CALHM2: variants seen among roughly 807,000 people sequenced by gnomAD.
The protein encoded by CALHM2 is calcium homeostasis modulator family member 2.
In CALHM2, 18 loss-of-function variants were observed where a neutral mutation model predicts 20.4. The ratio of observed to expected loss-of-function variants is 0.88; its 90% confidence interval spans 0.61 to 1.31. The LOEUF is 1.31. Ranked by LOEUF, CALHM2 falls within the 50% of genes most tolerant of loss-of-function variation. The probability of loss-of-function intolerance (pLI) is 0.00; values close to 1 mark genes in which losing one functional copy is unlikely to be tolerated. For missense variants in CALHM2, 411 were observed against 435.7 expected (o/e 0.94, Z 0.50); for synonymous variants, 193 against 192.1 (o/e 1.00, Z -0.04).
Position 103,449,656 on chromosome 10 carries a change from C to T in CALHM2, c.286G>A (p.Ala96Thr), listed in dbSNP as rs2232659. 0.02 allele frequency: 31,559 copies of T among 1,613,810 alleles called. 468 individuals carry two copies. The highest frequency in any genetic ancestry group is 0.028 in the Middle Eastern group (172 of 6,062). ...CTTAGAAGGAGGAAGGTGGGGGCGG[C>T]GGAGCAGTTCTTGGTCCTCCGGTGC... is the stretch of plus-strand genomic sequence containing the variant. ...CQHRRTKNCS[A>T]APTFLLLSSI... The change falls in exon 3 of 4, where the codon GCC becomes ACC. Residue 96 changes from alanine to threonine, a missense_variant. Coordinates refer to ENST00000260743, the MANE Select transcript of CALHM2 (RefSeq NM_015916.5).
rs374464228 is a variant in CALHM2 at position 103,447,405 on chromosome 10, C to A, written c.719G>T (p.Arg240Leu). Residue 240 changes from arginine to leucine, a missense_variant, in exon 4 of 4, where the codon CGG becomes CTG. By Grantham distance (102) the Arg-to-Leu change is moderately radical. Coordinates refer to ENST00000260743, the MANE Select transcript of CALHM2 (RefSeq NM_015916.5). ...LFQRTAEVHS[R>L]VLAANNVRRF... Reference sequence around the variant, plus strand: ...GCGCACATTGTTGGCAGCGAGCACCCGAGAGTGCACCTCGGCCGTGCGCTG... The same window carrying A: ...GCGCACATTGTTGGCAGCGAGCACCAGAGAGTGCACCTCGGCCGTGCGCTG... The A allele has an allele frequency of 5.0e-6, 8 of 1,614,024 alleles. No homozygotes were observed. The highest frequency in any genetic ancestry group is 6.8e-6 in the Non-Finnish European group (8 of 1,179,990).
At position 103,447,020 on chromosome 10, in the gene CALHM2, T is replaced by C. The variant is rs2032662392; in HGVS notation, c.*132A>G. ...GGGTCTGTCCACACCCCAGATTGCC[T>C]TGTGGTCCTTTCCCCTGGCCAAGAA... On this transcript the variant is annotated 3_prime_UTR_variant, in exon 4 of 4. Transcript: ENST00000260743. 4.1e-6 allele frequency: 4 copies of C among 973,734 alleles called. No individual in the cohort carries two copies. Among genetic ancestry groups the C allele is most frequent in the Non-Finnish European group, 5.9e-6 (4 of 672,862 alleles). 60.3% of individuals were successfully genotyped at this position (973,734 alleles called of 1,614,324 possible). A position where few individuals can be genotyped will look rare whatever the true frequency, so the allele number is the denominator to read the frequency against.
chr10:103,450,052 G>T lies in CALHM2; in HGVS notation c.-111C>A. 1.0e-6 allele frequency: 1 copy of T among 977,850 alleles called. No individual in the cohort carries two copies. The highest frequency in any genetic ancestry group is 1.6e-5 in the African/African-American group (1 of 61,590). 60.6% of individuals were successfully genotyped at this position (977,850 alleles called of 1,614,324 possible). On this transcript the variant is annotated 5_prime_UTR_variant, in exon 3 of 4. Transcript: ENST00000260743. The stretch of plus-strand genomic sequence containing the variant: ...CAGGCTGGGAGGCGCTGGACGGCAG[G>T]GTGTGGTTGTGCTATTTTATCCCCA...
chr10:103,448,370 C>T (rs952562791), intron 3 of CALHM2, among the ~76,000 whole-genome samples: 1 of 151,676 alleles, frequency 6.6e-6, no homozygotes. Context: ...TGGTCTCGAA[C>T]TCCTGACCTC....
chr10:103,447,123 C>T lies in CALHM2; in HGVS notation c.*29G>A, dbSNP rs2133769261. Reference sequence around the variant, plus strand: ...GGTTCAGTTTGGGACCAAGTAGTGCCATTTACAAAGAGCATGGGAAGCACC... The same window carrying T: ...GGTTCAGTTTGGGACCAAGTAGTGCTATTTACAAAGAGCATGGGAAGCACC... On this transcript the variant is annotated 3_prime_UTR_variant, in exon 4 of 4. Coordinates refer to ENST00000260743, the MANE Select transcript of CALHM2 (RefSeq NM_015916.5). The T allele has an allele frequency of 3.2e-6, 5 of 1,558,986 alleles. No homozygotes were observed. In the East Asian group the frequency reaches 9.0e-5, roughly 28 times the overall value.
intron 1 of CALHM2, chr10:103,451,542 CCCTG>C: frequency 6.5e-6 from 1 of 153,328 alleles, no homozygotes; most frequent in Admixed American, 6.5e-5. Context: ...CCCCTTCTGT[CCCTG>C]CCAAGGAAGG....
Position 103,449,710 on chromosome 10 carries a change from G to C in CALHM2, c.232C>G (p.His78Asp). 1.2e-6 allele frequency: 2 copies of C among 1,613,786 alleles called. No individual in the cohort carries two copies. The highest frequency in any genetic ancestry group is 1.3e-5 in the African/African-American group (1 of 75,070). ...CACTCGGCCACGAGGTTCCAGGTGT[G>C]GTTGTTGAGGATGATGCCAATGATG... ...LFIIGIILNN[H>D]TWNLVAECQH... is the part of the protein sequence containing the mutation. Residue 78 changes from histidine to aspartate, a missense_variant, in exon 3 of 4, where the codon CAC (histidine) becomes GAC (aspartate). Physicochemically the swap from His to Asp is moderately conservative, Grantham distance 81. Transcript: ENST00000260743.
At chr10:103,450,187 G>A (rs1381769358) in intron 2 of CALHM2, 88 bp from the exon 3 acceptor site, 12 of 552,842 alleles carry the variant, frequency 2.2e-5, no homozygotes, top group Non-Finnish European at 3.2e-5. Flanking sequence ...GAGAAAGGAA[G>A]GACCATAGGG....
Position 103,447,581 on chromosome 10 carries a change from TG to T in CALHM2, c.556-14del. 1 of 1,576,362 alleles carries T rather than the reference TG, an allele frequency of 6.3e-7. No homozygotes were observed. On this transcript the variant is annotated splice_polypyrimidine_tract_variant and intron_variant, in intron 3 of 3. Transcript: ENST00000260743. ...GCCATCCAAAGAGCTGGCCAGAGAA[TG>T]GGCACAGTTCAGGAGGGGCGAGGAA...
chr10:103,449,512 T>C lies in CALHM2; in HGVS notation c.430A>G (p.Arg144Gly). Reference protein sequence around the residue: ...EFVDPSSLTAREEHFPSAHAT... With the variant: ...EFVDPSSLTAGEEHFPSAHAT... ...TGGGCTGATGGGAAGTGCTCTTCCCTGGCCGTGAGTGAGGAAGGGTCCACG... is the reference window on the plus strand; with the variant it reads ...TGGGCTGATGGGAAGTGCTCTTCCCCGGCCGTGAGTGAGGAAGGGTCCACG... Residue 144 changes from arginine (R) to glycine (G), a missense_variant, in exon 3 of 4, where the codon AGG becomes GGG. Physicochemically the swap from Arg to Gly is moderately radical, Grantham distance 125. Transcript: ENST00000260743. 6.2e-7 allele frequency: 1 copy of C among 1,613,572 alleles called. No homozygotes were observed. The highest frequency in any genetic ancestry group is 8.5e-7 in the Non-Finnish European group (1 of 1,180,008).
chr10:103,448,137 CT>C (rs1280344378), intron 3 of CALHM2, among the ~76,000 whole-genome samples: 2 of 151,902 alleles, frequency 1.3e-5, no homozygotes, highest in African/African-American at 4.8e-5. Context: ...GTTTCTTTTT[CT>C]TTTTTCTTTG....
intron 3 of CALHM2, among the ~76,000 whole-genome samples, chr10:103,449,020 C>T (rs189306401): frequency 2.2e-4 from 33 of 152,268 alleles, no homozygotes; most frequent in Middle Eastern, 3.4e-3. Flanking sequence ...GTGTTCATCC[C>T]CAGAGCCAGC....
rs757739152 is a variant in CALHM2, at chr10:103,447,281, G to T, written c.843C>A (p.Ile281=). ...TCTCACGGTACAAGTAGACGCCGGT[G>T]ATGGCATTCCACTGTGGCCGTGGCT... is the stretch of plus-strand genomic sequence containing the variant. ...GTQPRPQWNA[I]TGVYLYRENQ... is the part of the protein sequence containing the mutation. Residue 281 remains isoleucine, a synonymous_variant, in exon 4 of 4, where the codon ATC becomes ATA. Transcript: ENST00000260743. 9.9e-6 allele frequency: 16 copies of T among 1,614,270 alleles called. No homozygotes were observed. The highest frequency in any genetic ancestry group is 1.4e-5 in the Non-Finnish European group (16 of 1,180,050).
intron 2 of CALHM2, chr10:103,450,677 G>C (rs1376153361): frequency 6.6e-6 from 1 of 152,532 alleles, no homozygotes; most frequent in Non-Finnish European, 1.5e-5. Flanking sequence ...CAGAATCCCT[G>C]GAGTTCGCAA....
chr10:103,447,336 A>G lies in CALHM2; in HGVS notation c.788T>C (p.Leu263Pro). Residue 263 changes from leucine to proline, a missense_variant, in exon 4 of 4, where the codon CTG (leucine) becomes CCG (proline). Physicochemically the swap from Leu to Pro is moderately conservative, Grantham distance 98. Coordinates refer to ENST00000260743, the MANE Select transcript of CALHM2 (RefSeq NM_015916.5). ...FVALNKDDEE[L>P]IANFPVEGTQ... ...GCCTTCCACTGGGAAGTTGGCAATC[A>G]GTTCCTCATCATCCTTGTTGAGCGC... 6.2e-7 allele frequency: 1 copy of G among 1,614,262 alleles called. No homozygotes were observed. The highest frequency in any genetic ancestry group is 8.5e-7 in the Non-Finnish European group (1 of 1,180,052).
Position 103,447,482 on chromosome 10 carries a change from G to T in CALHM2, c.642C>A (p.Tyr214Ter), listed in dbSNP as rs2032706990. ...ACTGCGCCCAGTAGGCCTCCTGGCG[G>T]TAGCTGAGTGGTGAGCAGTAATGCT... ...CLKHYCSPLS[Y>*]RQEAYWAQYR... Residue 214 changes from tyrosine to a stop codon, truncating the protein, a stop_gained, in exon 4 of 4, where the codon TAC becomes TAA. Transcript: ENST00000260743. LOFTEE classifies it high-confidence loss of function. 6.2e-7 allele frequency: 1 copy of T among 1,613,842 alleles called. No homozygotes were observed. The highest frequency in any genetic ancestry group is 1.3e-5 in the African/African-American group (1 of 74,954).
chr10:103,449,345 C>T (rs759137306), intron 3 of CALHM2, 42 bp downstream of exon 3: 2 of 1,568,666 alleles, frequency 1.3e-6, no homozygotes, highest in East Asian at 2.2e-5. Context: ...TCTCACCAGC[C>T]ACCACTAGGG....
rs770645492 is a variant in CALHM2 at position 103,449,722 on chromosome 10, T to G, written c.220A>C (p.Ile74Leu). The G allele has an allele frequency of 6.2e-7, 1 of 1,613,582 alleles. No homozygotes were observed. Among genetic ancestry groups the G allele is most frequent in the Non-Finnish European group, 8.5e-7 (1 of 1,180,004 alleles). The change falls in exon 3 of 4, where the codon ATC becomes CTC. Residue 74 changes from isoleucine (I) to leucine (L), a missense_variant. Ile to Leu is a conservative substitution (Grantham distance 5). Transcript: ENST00000260743. ...PALVLFIIGI[I>L]LNNHTWNLVA... Reference sequence around the variant, plus strand: ...AGGTTCCAGGTGTGGTTGTTGAGGATGATGCCAATGATGAAGAGCACCAGG... The same window carrying G: ...AGGTTCCAGGTGTGGTTGTTGAGGAGGATGCCAATGATGAAGAGCACCAGG...
chr10:103,451,512 GGATCACCCCTTCTA>G lies in CALHM2; in HGVS notation c.-361-241_-361-228del, dbSNP rs900276417. The G allele has an allele frequency of 1.2e-4, 18 of 152,796 alleles. No homozygotes were observed. In the South Asian group the frequency reaches 2.4e-3, roughly 21 times the overall value. 9.5% of individuals were successfully genotyped at this position (152,796 alleles called of 1,614,324 possible). A position where few individuals can be genotyped will look rare whatever the true frequency, so the allele number is the denominator to read the frequency against. ...CTGTTCCCTTCCATGCTTCATGGAG[GGATCACCCCTTCTA>G]GATCACCCCTTCTGTCCCTGCCAAG... On this transcript the variant is annotated intron_variant, in intron 1 of 3. Coordinates refer to ENST00000260743, the MANE Select transcript of CALHM2 (RefSeq NM_015916.5).
Sources: gnomAD v4.1 joint callset for allele counts (sites outside exome capture counted in the v4.1 genomes callset) on GRCh38, gnomAD v4.1.1 for gene constraint, MANE v1.5 for transcripts, NCBI Gene and HGNC (gene_info 2026-07-23, HGNC 2026-07-21) for gene names.